Variants in WWP2 observed in about 807,000 individuals in gnomAD.
WWP2 encodes WW domain containing E3 ubiquitin protein ligase 2, also known as NEDD4-like E3 ubiquitin-protein ligase WWP2.
In WWP2, 57 loss-of-function variants were observed where a neutral mutation model predicts 121.0. That is an observed-to-expected ratio of 0.47 (90% CI 0.38 to 0.59). WWP2 has a LOEUF of 0.59. Among genes scored for constraint, WWP2 ranks in the 20% least tolerant of loss-of-function variants. The pLI is 0.00. For synonymous variants in WWP2, 449 were observed against 441.3 expected (o/e 1.02, Z -0.22); for missense variants, 962 against 1,158.9 (o/e 0.83, Z 2.47).
At chr16:69,853,238 A>G (rs1164926381) in intron 6 of WWP2, among the ~76,000 whole-genome samples, 2 of 152,232 alleles carry the variant, frequency 1.3e-5, no homozygotes, top group African/African-American at 4.8e-5. Context: ...TTAGATGCTT[A>G]TAAAAGTCAC....
chr16:69,848,145 G>GT (rs1474616944), intron 6 of WWP2, among the ~76,000 whole-genome samples: 2 of 152,150 alleles, frequency 1.3e-5, no homozygotes, highest in African/African-American at 4.8e-5. Context: ...AGGGATCTTA[G>GT]TTAAGAAGCT....
intron 16 of WWP2, among the ~76,000 whole-genome samples, chr16:69,932,539 C>T (rs762466287): frequency 1.3e-5 from 2 of 152,170 alleles, no homozygotes; most frequent in African/African-American, 2.4e-5. Flanking sequence ...ACTTTAACAA[C>T]CAGGCCAGCA....
chr16:69,785,319 T>G (rs2055762875), intron 1 of WWP2, among the ~76,000 whole-genome samples: 1 of 152,026 alleles, frequency 6.6e-6, no homozygotes, highest in Non-Finnish European at 1.5e-5. Context: ...GTGAAAGGTT[T>G]TAAGGGAAAG....
Position 69,937,479 on chromosome 16 carries a change from C to A in WWP2, c.2239-69C>A. On this transcript the variant is annotated intron_variant, in intron 20 of 23. Transcript: ENST00000359154. This position sits in a 1 kb window ranked among gnomAD's most constrained non-coding sequence, Gnocchi z 6.6. The stretch of plus-strand genomic sequence containing the variant: ...TAGTTGAATATGTTTGGGGTAATGT[C>A]AAGTGCTAGCGAGTGGACGATGCGC... The A allele has an allele frequency of 6.5e-7, 1 of 1,531,292 alleles. No homozygotes were observed. Among genetic ancestry groups the A allele is most frequent in the South Asian group, 1.1e-5 (1 of 88,522 alleles). 94.9% of individuals were successfully genotyped at this position (1,531,292 alleles called of 1,614,324 possible).
At chr16:69,842,165 G>C (rs1367935643) in intron 6 of WWP2, 45 bp downstream of exon 6, 7 of 1,576,476 alleles carry the variant, frequency 4.4e-6, no homozygotes, top group South Asian at 1.1e-5. Flanking sequence ...AAGTTGCTTA[G>C]AGCTATTGAA....
intron 8 of WWP2, among the ~76,000 whole-genome samples, chr16:69,890,625 C>T (rs1275233428): frequency 2.6e-5 from 4 of 152,230 alleles, no homozygotes; most frequent in East Asian, 1.9e-4. Context: ...GTTTTCTTTC[C>T]GCTGAGCGAA....
intron 1 of WWP2, among the ~76,000 whole-genome samples, chr16:69,772,212 C>G (rs560757401): frequency 6.6e-6 from 1 of 151,990 alleles, no homozygotes; most frequent in Non-Finnish European, 1.5e-5. Flanking sequence ...CCGCCTGCCT[C>G]GGCCTCCCAA....
At chr16:69,838,428 G>C (rs867737024) in intron 4 of WWP2, among the ~76,000 whole-genome samples, 44 of 139,588 alleles carry the variant, frequency 3.2e-4, no homozygotes, top group African/African-American at 1.0e-3. Flanking sequence ...AATAGAGGAG[G>C]GAGACCCTCC....
intron 4 of WWP2, among the ~76,000 whole-genome samples, chr16:69,817,830 G>A (rs986652830): frequency 6.7e-6 from 1 of 150,314 alleles, no homozygotes; most frequent in African/African-American, 2.4e-5. Context: ...GGCTAATTTT[G>A]GCATTTCCTC....
At chr16:69,859,921 C>T (rs1206644376) in intron 6 of WWP2, among the ~76,000 whole-genome samples, 1 of 143,682 alleles carries the variant, frequency 7.0e-6, no homozygotes, top group African/African-American at 2.6e-5. Context: ...TGGTACACGA[C>T]GACATACTTG....
At chr16:69,923,915 C>T (rs2058600680) in intron 10 of WWP2, among the ~76,000 whole-genome samples, 1 of 151,874 alleles carries the variant, frequency 6.6e-6, no homozygotes, top group South Asian at 2.1e-4. Context: ...AACCCCCCAA[C>T]ACACAGACAC....
chr16:69,832,131 C>CTTTG lies in WWP2; in HGVS notation c.341-7979_341-7976dup, dbSNP rs561940458. Among the ~76,000 whole-genome samples, 8 of 151,884 alleles carry CTTTG rather than the reference C, an allele frequency of 5.3e-5. No homozygotes were observed. In the East Asian group the frequency reaches 7.7e-4, roughly 15 times the overall value. On this transcript the variant is annotated intron_variant, in intron 4 of 23. Coordinates refer to ENST00000359154, the MANE Select transcript of WWP2 (RefSeq NM_001270454.2). Reference sequence around the variant, plus strand: ...GGTGTGAGCCACTGCGCCCTGCCTTCTTTGTTTGTTTGTTTGTTTTGTTTT... The same window carrying CTTTG: ...GGTGTGAGCCACTGCGCCCTGCCTTCTTTGTTTGTTTGTTTGTTTGTTTTGTTTT...
intron 4 of WWP2, among the ~76,000 whole-genome samples, chr16:69,824,631 T>C (rs192993774): frequency 1.3e-5 from 2 of 151,954 alleles, no homozygotes; most frequent in African/African-American, 4.8e-5. Context: ...ATTCATTCTC[T>C]TGGAGGGAGG....
At chr16:69,916,922 G>A (rs976944531) in intron 9 of WWP2, among the ~76,000 whole-genome samples, 5 of 152,114 alleles carry the variant, frequency 3.3e-5, no homozygotes, top group Admixed American at 2.6e-4. Flanking sequence ...TCAGCACTTT[G>A]GGAGGCCGAG....
At chr16:69,824,372 G>A (rs1360454766) in intron 4 of WWP2, among the ~76,000 whole-genome samples, 1 of 152,156 alleles carries the variant, frequency 6.6e-6, no homozygotes, top group Non-Finnish European at 1.5e-5. Flanking sequence ...AGTCACATAA[G>A]TGGGCAGTTA....
chr16:69,823,755 A>G (rs1161313480), intron 4 of WWP2, among the ~76,000 whole-genome samples: 2 of 152,228 alleles, frequency 1.3e-5, no homozygotes, highest in African/African-American at 4.8e-5. Flanking sequence ...GGCTTGAGCC[A>G]CCGTGCCCAG....
At chr16:69,920,281 G>T (rs2058540610) in intron 10 of WWP2, among the ~76,000 whole-genome samples, 1 of 152,164 alleles carries the variant, frequency 6.6e-6, no homozygotes, top group African/African-American at 2.4e-5. Context: ...CGACGATCAT[G>T]CCCCTCTCCA....
intron 6 of WWP2, among the ~76,000 whole-genome samples, chr16:69,864,564 G>A (rs1175564800): frequency 6.6e-6 from 1 of 151,764 alleles, no homozygotes; most frequent in Non-Finnish European, 1.5e-5. Context: ...TCTTTTTGTT[G>A]TGGGAGACAG....
intron 8 of WWP2, among the ~76,000 whole-genome samples, chr16:69,905,294 G>T (rs1026056279): frequency 6.6e-6 from 1 of 152,174 alleles, no homozygotes; most frequent in African/African-American, 2.4e-5. Context: ...GTCCGCTTTG[G>T]GGGGTGTGTA....
Sources: gnomAD v4.1 joint callset for allele counts (sites outside exome capture counted in the v4.1 genomes callset) on GRCh38, gnomAD v4.1.1 for gene constraint, Gnocchi (gnomAD v3.1) non-coding constraint, MANE v1.5 for transcripts, NCBI Gene and HGNC (gene_info 2026-07-23, HGNC 2026-07-21) for gene names.